PDE1A: variants seen among roughly 807,000 people sequenced by gnomAD.
PDE1A encodes phosphodiesterase 1A, also known as dual specificity calcium/calmodulin-dependent 3',5'-cyclic nucleotide phosphodiesterase 1A.
PDE1A carries 35 observed loss-of-function variants against 61.7 expected under a neutral mutation model. That is an observed-to-expected ratio of 0.57 (90% CI 0.43 to 0.75). PDE1A has a LOEUF of 0.75. Among genes scored for constraint, PDE1A ranks in the 30% least tolerant of loss-of-function variants. PDE1A has a pLI of 0.00. For missense variants in PDE1A, 597 were observed against 630.6 expected (o/e 0.95, Z 0.57); for synonymous variants, 232 against 213.2 (o/e 1.09, Z -0.77).
the PDE1A span, among the ~76,000 whole-genome samples, chr2:182,529,921 G>A: frequency 7.2e-5 from 11 of 152,064 alleles, no homozygotes; most frequent in South Asian, 2.1e-4. Context: ...ACCCAGCCTC[G>A]GTATGTCTTT....
At chr2:182,319,987 T>C (rs962429610) in intron 1 of PDE1A, among the ~76,000 whole-genome samples, 1 of 152,154 alleles carries the variant, frequency 6.6e-6, no homozygotes, top group African/African-American at 2.4e-5. Context: ...CATTCTCTGG[T>C]GGATTTAAAG....
chr2:182,502,879 T>C (rs1376941793), intron 2 of PDE1A, among the ~76,000 whole-genome samples: 1 of 152,174 alleles, frequency 6.6e-6, no homozygotes, highest in Non-Finnish European at 1.5e-5. Context: ...ACTGGGAATA[T>C]GTGATGATTT....
chr2:182,567,448 G>A, the PDE1A span, among the ~76,000 whole-genome samples: 1 of 152,180 alleles, frequency 6.6e-6, no homozygotes, highest in Non-Finnish European at 1.5e-5. Flanking sequence ...GAGTCAAATA[G>A]TTATGAAAAG....
intron 2 of PDE1A, among the ~76,000 whole-genome samples, chr2:182,242,602 T>G (rs149711365): frequency 6.6e-6 from 1 of 152,350 alleles, no homozygotes; most frequent in Non-Finnish European, 1.5e-5. Context: ...GTGATTAACA[T>G]TTAAATCAGT....
intron 6 of PDE1A, among the ~76,000 whole-genome samples, chr2:182,229,533 A>T (rs1233989130): frequency 6.6e-6 from 1 of 152,186 alleles, no homozygotes; most frequent in Non-Finnish European, 1.5e-5. Flanking sequence ...AAAGAAGAGG[A>T]AGGAAATTTT....
chr2:182,539,036 A>G, the PDE1A span, among the ~76,000 whole-genome samples: 1 of 152,052 alleles, frequency 6.6e-6, no homozygotes, highest in Non-Finnish European at 1.5e-5. Flanking sequence ...TTGAGCTCTG[A>G]TTTATGTGTC....
intron 10 of PDE1A, among the ~76,000 whole-genome samples, chr2:182,198,395 A>G (rs1361049681): frequency 6.6e-6 from 1 of 151,836 alleles, no homozygotes; most frequent in Non-Finnish European, 1.5e-5. Flanking sequence ...CTTCAAATGC[A>G]ATGTTGAATA....
the PDE1A span, among the ~76,000 whole-genome samples, chr2:182,632,353 T>C: frequency 6.6e-6 from 1 of 152,332 alleles, no homozygotes; most frequent in East Asian, 1.9e-4. Context: ...TCGTTCTATG[T>C]AAGATTTAGC....
chr2:182,189,961 G>A (rs1334560749), intron 10 of PDE1A, among the ~76,000 whole-genome samples: 1 of 152,168 alleles, frequency 6.6e-6, no homozygotes, highest in African/African-American at 2.4e-5. Context: ...ATACCTTCAT[G>A]AGCAACACCA....
At chr2:182,306,569 T>A (rs1178214271) in intron 1 of PDE1A, among the ~76,000 whole-genome samples, 1 of 151,852 alleles carries the variant, frequency 6.6e-6, no homozygotes, top group Non-Finnish European at 1.5e-5. Flanking sequence ...CAAACTATAA[T>A]ATAAATCTAT....
intron 2 of PDE1A, among the ~76,000 whole-genome samples, chr2:182,454,054 A>G (rs905952669): frequency 2.6e-5 from 4 of 151,768 alleles, no homozygotes; most frequent in Non-Finnish European, 5.9e-5. Flanking sequence ...TAAGCTGATA[A>G]GCAACTTCAG....
chr2:182,434,397 A>G (rs1049035264), intron 2 of PDE1A, among the ~76,000 whole-genome samples: 1 of 152,114 alleles, frequency 6.6e-6, no homozygotes, highest in Non-Finnish European at 1.5e-5. Context: ...TAGGTAATTT[A>G]TAAAGAACAG....
At chr2:182,342,038 G>A (rs62190181) in intron 1 of PDE1A, among the ~76,000 whole-genome samples, 53,867 of 151,942 alleles carry the variant, frequency 0.35, 11,638 homozygotes, top group Non-Finnish European at 0.49. Flanking sequence ...CAAAGCACTG[G>A]GATTAACAGG....
exon 13 of PDE1A, chr2:182,186,035 C>A (rs757725272): frequency 6.2e-7 from 1 of 1,613,940 alleles, no homozygotes; most frequent in Non-Finnish European, 8.5e-7. Flanking sequence ...TGTATTTGAT[C>A]GTCTTAGTGC....
At chr2:182,582,897 G>A in the PDE1A span, among the ~76,000 whole-genome samples, 1 of 152,194 alleles carries the variant, frequency 6.6e-6, no homozygotes, top group Non-Finnish European at 1.5e-5. Flanking sequence ...TTGTGGTTCT[G>A]TGTTTGGCTG....
the PDE1A span, among the ~76,000 whole-genome samples, chr2:182,539,717 A>G: frequency 2.0e-5 from 3 of 152,250 alleles, no homozygotes; most frequent in African/African-American, 7.2e-5. Context: ...AGGATATCTT[A>G]TAGTTTAGTA....
the PDE1A span, among the ~76,000 whole-genome samples, chr2:182,624,861 A>C: frequency 6.6e-6 from 1 of 152,150 alleles, no homozygotes; most frequent in Admixed American, 6.5e-5. Context: ...GAGCCCAGCA[A>C]ACCTAGCTAA....
At chr2:182,628,276 A>G in the PDE1A span, among the ~76,000 whole-genome samples, 1 of 152,228 alleles carries the variant, frequency 6.6e-6, no homozygotes, top group African/African-American at 2.4e-5. Context: ...AACTTCCAGC[A>G]GGAAAACTAG....
At chr2:182,633,234 C>T in the PDE1A span, among the ~76,000 whole-genome samples, 2 of 152,158 alleles carry the variant, frequency 1.3e-5, no homozygotes, top group Non-Finnish European at 2.9e-5. Context: ...AATATGACAA[C>T]GATTGCATGG....
Sources: allele counts gnomAD v4.1 joint callset (sites outside exome capture counted in the v4.1 genomes callset), GRCh38; gene constraint gnomAD v4.1.1; transcripts MANE v1.5; gene names NCBI Gene and HGNC (gene_info 2026-07-23, HGNC 2026-07-21).